DOCK8: variants seen among roughly 807,000 people sequenced by gnomAD.
DOCK8 encodes the protein dedicator of cytokinesis 8.
DOCK8 carries 141 observed loss-of-function variants against 245.6 expected under a neutral mutation model. The observed-to-expected ratio is 0.57, with a 90% CI of 0.50 to 0.66. The LOEUF (loss-of-function observed/expected upper bound fraction) is 0.66, where lower values mean the gene tolerates loss of function less well. Ranked by LOEUF, DOCK8 falls within the 30% of genes least tolerant of loss-of-function variation. The pLI, the probability that DOCK8 is intolerant of heterozygous loss-of-function variation, is 0.00. For synonymous variants in DOCK8, 1,168 were observed against 970.2 expected, an observed-to-expected ratio of 1.20 and a Z score of -3.79; for missense variants, 2,965 against 2,603.4, an observed-to-expected ratio of 1.14 and a Z score of -3.02.
rs556146611 is a variant in DOCK8 at position 462,572 on chromosome 9, C to A, written c.6069-945C>A. ...ACTAATCTTGTGTGAGCTTTGAAGCCCCTTCCCCTCAGCCCATAGACCTAT... is the reference window on the plus strand; with the variant it reads ...ACTAATCTTGTGTGAGCTTTGAAGCACCTTCCCCTCAGCCCATAGACCTAT... On this transcript the variant is annotated intron_variant, in intron 46 of 47. Coordinates refer to ENST00000432829, the MANE Select transcript of DOCK8 (RefSeq NM_203447.4). Among the ~76,000 whole-genome samples, 32 of 152,288 alleles carry A rather than the reference C, an allele frequency of 2.1e-4. No individual in the cohort carries two copies. In the South Asian group the frequency reaches 6.0e-3, roughly 29 times the overall value.
In DOCK8 at chr9:323,212, T is replaced by G. The variant is rs1316363588; in HGVS notation, c.828-2459T>G. Among the ~76,000 whole-genome samples, 8 of 141,502 alleles carry G rather than the reference T, an allele frequency of 5.7e-5. 1 individual carries two copies. In the South Asian group the frequency reaches 1.6e-3, roughly 27 times the overall value. 92.8% of individuals were successfully genotyped at this position (141,502 alleles called of 152,430 possible). A position where few individuals can be genotyped will look rare whatever the true frequency, so the allele number is the denominator to read the frequency against. Reference sequence around the variant, plus strand: ...GGTAAAATGTATGTAACATAAAATCTACCATCTTTTTTTTTTTTTTTTTTT... The same window carrying G: ...GGTAAAATGTATGTAACATAAAATCGACCATCTTTTTTTTTTTTTTTTTTT... On this transcript the variant is annotated intron_variant, in intron 7 of 47. Transcript: ENST00000432829.
chr9:407,775 C>T (rs984334104), intron 28 of DOCK8, among the ~76,000 whole-genome samples: 1 of 152,150 alleles, frequency 6.6e-6, no homozygotes, highest in African/African-American at 2.4e-5. Context: ...TATTGAATGC[C>T]TTCCATGGGA....
chr9:258,592 CTTTTTTTTTTT>C (rs540266063), intron 1 of DOCK8, among the ~76,000 whole-genome samples: 1 of 100,296 alleles, frequency 1.0e-5, no homozygotes, highest in Admixed American at 1.2e-4. Context: ...TGAAGAGACT[CTTTTTTTTTTT>C]TTTTTTTTTT....
chr9:388,673 G>T (rs10973592), intron 23 of DOCK8, among the ~76,000 whole-genome samples: 35,634 of 151,718 alleles, frequency 0.23, 4,348 homozygotes, highest in Middle Eastern at 0.28. Context: ...TCCTGCCTCA[G>T]CCTCCAGAGT....
intron 6 of DOCK8, chr9:314,398 G>T (rs2050256773): frequency 6.6e-6 from 1 of 152,206 alleles, no homozygotes; most frequent in South Asian, 2.1e-4. Context: ...ACGTTTGCTT[G>T]TCAGTGTCTC....
intron 1 of DOCK8, among the ~76,000 whole-genome samples, chr9:233,735 T>G (rs1246819397): frequency 1.3e-5 from 2 of 152,110 alleles, no homozygotes; most frequent in Non-Finnish European, 2.9e-5. Context: ...CCTTTTTTTG[T>G]TTTCCATTTG....
chr9:441,403 A>G lies in DOCK8; in HGVS notation c.5341A>G (p.Ser1781Gly), dbSNP rs747641209. Residue 1781 changes from serine to glycine, a missense_variant, in exon 41 of 48, where the codon AGC becomes GGC. By Grantham distance (56) the Ser-to-Gly change is moderately conservative (BLOSUM62 0). Around this residue, in one of 3 missense-constraint regions of DOCK8, gnomAD observed 2,825 missense variants for 2,453.5 expected, o/e 1.15. Coordinates refer to ENST00000432829, the MANE Select transcript of DOCK8 (RefSeq NM_203447.4). ...THSKLQRAFD[S>G]IVNKDHKRMF... ...CAGCAAGCTGCAGAGAGCCTTCGAC[A>G]GCATCGTTAACAAGGTAGCCGGGGA... is the stretch of plus-strand genomic sequence containing the variant. 6.8e-6 allele frequency: 11 copies of G among 1,614,204 alleles called. No homozygotes were observed. Among genetic ancestry groups the G allele is most frequent in the Non-Finnish European group, 3.4e-6 (4 of 1,180,036 alleles).
rs779050149 is a variant in DOCK8, at chr9:370,342, T to A, written c.1868+42T>A. ...ATTCTAAATATATGCCAAGATGGTT[T>A]CATCATCTCCTGGTTTTTCCAAGTC... On this transcript the variant is annotated intron_variant, in intron 16 of 47. Coordinates refer to ENST00000432829, the MANE Select transcript of DOCK8 (RefSeq NM_203447.4). The A allele has an allele frequency of 3.2e-6, 5 of 1,565,398 alleles. No individual in the cohort carries two copies. The South Asian group carries it at 5.5e-5, about 17-fold the overall frequency.
intron 14 of DOCK8, among the ~76,000 whole-genome samples, chr9:358,907 A>G (rs370150301): frequency 3.9e-5 from 6 of 152,216 alleles, no homozygotes; most frequent in East Asian, 1.9e-4. Flanking sequence ...CTAGCAGCCA[A>G]GCAATAAAGG....
intron 5 of DOCK8, 117 bp from the exon 6 acceptor site, chr9:311,837 G>A (rs2050127131): frequency 2.4e-6 from 3 of 1,261,620 alleles, no homozygotes; most frequent in Non-Finnish European, 1.1e-6. Context: ...GAAGACTTGA[G>A]GCCTGGCTGA....
rs919944682 is a variant in DOCK8, at chr9:334,736, C to T, written c.1285+352C>T. ...GTGTGTTAAGCAGAGACACCATGGT[C>T]GACTCCTAAACCTAAAAAAAAAAGC... is the stretch of plus-strand genomic sequence containing the variant. On this transcript the variant is annotated intron_variant, in intron 11 of 47. Coordinates refer to ENST00000432829, the MANE Select transcript of DOCK8 (RefSeq NM_203447.4). 3.3e-5 allele frequency among the ~76,000 whole-genome samples: 5 copies of T among 151,768 alleles called. No individual in the cohort carries two copies. The South Asian group carries it at 8.3e-4, about 25-fold the overall frequency.
At chr9:308,590 A>G (rs1026106478) in intron 5 of DOCK8, among the ~76,000 whole-genome samples, 1 of 152,248 alleles carries the variant, frequency 6.6e-6, no homozygotes, top group African/African-American at 2.4e-5. Flanking sequence ...TATATTATGC[A>G]TAATATTGCA....
At chr9:409,816 A>T (rs1586948541) in intron 28 of DOCK8, among the ~76,000 whole-genome samples, 1 of 150,434 alleles carries the variant, frequency 6.6e-6, no homozygotes, top group African/African-American at 2.4e-5. Flanking sequence ...TGTCCTTGCG[A>T]TAGTTTGCTG....
intron 10 of DOCK8, among the ~76,000 whole-genome samples, chr9:333,890 A>G (rs1201205514): frequency 6.6e-6 from 1 of 152,214 alleles, no homozygotes; most frequent in Non-Finnish European, 1.5e-5. Context: ...AGATTCTTTT[A>G]TGCAAATCCA....
rs1053417644 is a variant in DOCK8 at position 366,380 on chromosome 9, C to T, written c.1680-1638C>T. ...ACCTAGGAATACTATTTATTTGCCT[C>T]CATGGCCTTTGAACTTGCACATCCA... is the stretch of plus-strand genomic sequence containing the variant. On this transcript the variant is annotated intron_variant, in intron 14 of 47. Coordinates refer to ENST00000432829, the MANE Select transcript of DOCK8 (RefSeq NM_203447.4). 2.6e-5 allele frequency: 4 copies of T among 152,210 alleles called. 1 individual carries two copies. Among genetic ancestry groups the T allele is most frequent in the Admixed American group, 2.6e-4 (4 of 15,284 alleles). 9.4% of individuals were successfully genotyped at this position (152,210 alleles called of 1,614,324 possible). A position where few individuals can be genotyped will look rare whatever the true frequency, so the allele number is the denominator to read the frequency against.
chr9:214,798 G>A (rs761710878), upstream of DOCK8: 3 of 1,581,488 alleles, frequency 1.9e-6, no homozygotes, highest in Admixed American at 3.5e-5. Context: ...GCTGCTCCGA[G>A]CTCGGACCCT....
intron 22 of DOCK8, among the ~76,000 whole-genome samples, chr9:385,218 A>G (rs1320155826): frequency 1.3e-5 from 2 of 152,214 alleles, no homozygotes; most frequent in African/African-American, 4.8e-5. Flanking sequence ...GGTATGCTAG[A>G]TTGTATCCTG....
intron 33 of DOCK8, among the ~76,000 whole-genome samples, chr9:425,482 A>G (rs2056454891): frequency 6.7e-6 from 1 of 148,362 alleles, no homozygotes; most frequent in Admixed American, 6.7e-5. Flanking sequence ...CGGTGAGCCA[A>G]GATTGCGCCA....
At chr9:338,101 C>G (rs866311005) in intron 12 of DOCK8, among the ~76,000 whole-genome samples, 3 of 151,896 alleles carry the variant, frequency 2.0e-5, no homozygotes, top group Admixed American at 6.6e-5. Context: ...TTGCAGTGAG[C>G]CGAGATTGCC....
Sources: gnomAD v4.1 joint callset for allele counts (sites outside exome capture counted in the v4.1 genomes callset) on GRCh38, gnomAD v4.1.1 for gene constraint, gnomAD v4.1.1 regional missense constraint, MANE v1.5 for transcripts, NCBI Gene and HGNC (gene_info 2026-07-23, HGNC 2026-07-21) for gene names.